Variants in SP4 observed in about 807,000 individuals in gnomAD.
The protein encoded by SP4 is Sp4 transcription factor, also known as transcription factor Sp4.
SP4 carries 19 observed loss-of-function variants against 72.8 expected under a neutral mutation model. The ratio of observed to expected loss-of-function variants is 0.26; its 90% CI spans 0.18 to 0.38. SP4 has a LOEUF of 0.38. Among genes scored for constraint, SP4 ranks in the 10% least tolerant of loss-of-function variants. The pLI, the probability that SP4 is intolerant of heterozygous loss-of-function variation, is 1.00. For synonymous variants in SP4, 395 were observed against 333.1 expected (o/e 1.19, Z -2.02); for missense variants, 1,008 against 926.3 (o/e 1.09, Z -1.14).
rs1022998534 is a variant in SP4, at chr7:21,435,590, T to G, written c.1678+4747T>G. On this transcript the variant is annotated intron_variant, in intron 3 of 5. Coordinates refer to ENST00000222584, the MANE Select transcript of SP4 (RefSeq NM_003112.5). Reference sequence around the variant, plus strand: ...TGGATTTCCCTAATGGGCATCTGTATATATACATACTCATGTACTCCTGTG... The same window carrying G: ...TGGATTTCCCTAATGGGCATCTGTAGATATACATACTCATGTACTCCTGTG... Among the ~76,000 whole-genome samples the G allele has an allele frequency of 3.9e-5, 6 of 152,340 alleles. No individual in the cohort carries two copies. In the East Asian group the frequency reaches 1.2e-3, roughly 29 times the overall value.
intron 3 of SP4, among the ~76,000 whole-genome samples, chr7:21,441,759 T>C (rs931374078): frequency 6.6e-6 from 1 of 151,960 alleles, no homozygotes; most frequent in Admixed American, 6.6e-5. Context: ...GTTGAACTTT[T>C]CTAGGACCTA....
chr7:21,473,169 G>A (rs766338564), intron 3 of SP4, among the ~76,000 whole-genome samples: 4 of 152,198 alleles, frequency 2.6e-5, no homozygotes, highest in Non-Finnish European at 4.4e-5. Context: ...GATTGAACAA[G>A]GGCTTGGATC....
intron 3 of SP4, among the ~76,000 whole-genome samples, chr7:21,476,876 C>G (rs541899795): frequency 6.6e-6 from 1 of 152,220 alleles, no homozygotes; most frequent in African/African-American, 2.4e-5. Flanking sequence ...GTTCCGTTAT[C>G]TAGATACATA....
chr7:21,498,966 G>A (rs1283603104), intron 5 of SP4, among the ~76,000 whole-genome samples: 2 of 151,420 alleles, frequency 1.3e-5, no homozygotes, highest in Non-Finnish European at 2.9e-5. Flanking sequence ...TGTAGTCCCA[G>A]CTATTCGGGA....
At chr7:21,428,892 CCA>C (rs757313550) in intron 2 of SP4, 100 bp downstream of exon 2, 2 of 916,378 alleles carry the variant, frequency 2.2e-6, no homozygotes, top group South Asian at 3.6e-5. Flanking sequence ...AAATGTTTAT[CCA>C]CTCAAAGCAT....
At chr7:21,479,037 C>CAGCCT (rs1048892034) in intron 4 of SP4, among the ~76,000 whole-genome samples, 3 of 149,598 alleles carry the variant, frequency 2.0e-5, no homozygotes, top group African/African-American at 7.4e-5. Flanking sequence ...CACTGCACTC[C>CAGCCT]AGCCTGGGTG....
At chr7:21,493,687 T>C (rs1011677167) in intron 5 of SP4, among the ~76,000 whole-genome samples, 11 of 138,886 alleles carry the variant, frequency 7.9e-5, no homozygotes, top group African/African-American at 3.1e-4. Flanking sequence ...GTTAAAGAAA[T>C]TGGATTTGTA....
At chr7:21,478,020 A>G (rs1221070985) in intron 4 of SP4, among the ~76,000 whole-genome samples, 5 of 152,202 alleles carry the variant, frequency 3.3e-5, no homozygotes, top group Non-Finnish European at 7.4e-5. Context: ...TAAATTCTGT[A>G]TCTTTTTTAA....
At chr7:21,457,676 A>C (rs960721828) in intron 3 of SP4, among the ~76,000 whole-genome samples, 20 of 152,198 alleles carry the variant, frequency 1.3e-4, no homozygotes, top group Non-Finnish European at 2.9e-5. Flanking sequence ...CAAAGAAACC[A>C]ACAACATAGC....
At chr7:21,469,351 G>A (rs1471450877) in intron 3 of SP4, among the ~76,000 whole-genome samples, 4 of 145,408 alleles carry the variant, frequency 2.8e-5, no homozygotes, top group Admixed American at 2.1e-4. Context: ...TAATCTATGG[G>A]TAATTACTTT....
Position 21,430,153 on chromosome 7 carries a change from A to G in SP4, c.988A>G (p.Thr330Ala), listed in dbSNP as rs1410570458. 6.2e-6 allele frequency: 10 copies of G among 1,614,034 alleles called. No homozygotes were observed. The highest frequency in any genetic ancestry group is 5.3e-5 in the African/African-American group (4 of 74,914). ...CACTACCTGCACAACCACTGCTTCA[A>G]CGTCTTTGACAAGCAGTGACACATT... The part of the protein sequence containing the change: ...SSTTCTTTAS[T>A]SLTSSDTLVS... Residue 330 changes from threonine to alanine, a missense_variant, in exon 3 of 6, where the codon ACG becomes GCG. Transcript: ENST00000222584.
chr7:21,481,321 T>C (rs1005319246), intron 4 of SP4, among the ~76,000 whole-genome samples: 1 of 152,186 alleles, frequency 6.6e-6, no homozygotes, highest in Non-Finnish European at 1.5e-5. Flanking sequence ...CAGTCTCTAA[T>C]GTTCCTGTGT....
intron 3 of SP4, among the ~76,000 whole-genome samples, chr7:21,451,384 T>TG (rs781374443): frequency 1.3e-4 from 20 of 152,134 alleles, no homozygotes; most frequent in Non-Finnish European, 2.8e-4. Flanking sequence ...TATTCTTGGT[T>TG]GCGGGGTTAG....
chr7:21,438,109 G>C (rs1044289304), intron 3 of SP4, among the ~76,000 whole-genome samples: 1 of 152,008 alleles, frequency 6.6e-6, no homozygotes, highest in Non-Finnish European at 1.5e-5. Context: ...CAGTGGAATG[G>C]TTTGTTTCAT....
At chr7:21,436,564 A>G (rs1192240953) in intron 3 of SP4, among the ~76,000 whole-genome samples, 1 of 152,178 alleles carries the variant, frequency 6.6e-6, no homozygotes, top group Non-Finnish European at 1.5e-5. Context: ...CTGCTACATT[A>G]AGTCAATCCT....
At chr7:21,508,643 G>GTT (rs1782069255) in intron 5 of SP4, among the ~76,000 whole-genome samples, 2 of 151,948 alleles carry the variant, frequency 1.3e-5, no homozygotes, top group South Asian at 4.2e-4. Flanking sequence ...CAGTTTGTTT[G>GTT]TTTTTTTAAG....
chr7:21,471,801 T>A (rs183729160), intron 3 of SP4, among the ~76,000 whole-genome samples: 380 of 152,342 alleles, frequency 2.5e-3, no homozygotes, highest in Middle Eastern at 6.8e-3. Context: ...GCCGCTGTAC[T>A]CTAGCCTGGG....
chr7:21,437,405 A>G (rs760647448), intron 3 of SP4, among the ~76,000 whole-genome samples: 1 of 152,214 alleles, frequency 6.6e-6, no homozygotes, highest in Admixed American at 6.5e-5. Flanking sequence ...GAAGGCTCAT[A>G]GCTGGTTGCA....
Position 21,511,362 on chromosome 7 carries a change from G to A in SP4, c.*93G>A, listed in dbSNP as rs2128418126. ...GCTGGTCAAGTGGATTACAGAGTAGGAAATTATGTTTTCATTCTTGGCTTC... is the reference window on the plus strand; with the variant it reads ...GCTGGTCAAGTGGATTACAGAGTAGAAAATTATGTTTTCATTCTTGGCTTC... On this transcript the variant is annotated 3_prime_UTR_variant, in exon 6 of 6. Transcript: ENST00000222584. 2.4e-6 allele frequency: 3 copies of A among 1,268,076 alleles called. No individual in the cohort carries two copies. Among genetic ancestry groups the A allele is most frequent in the South Asian group, 2.9e-5 (2 of 69,002 alleles). The allele number at this position is 1,268,076 out of a possible 1,614,324, so 78.6% of individuals were successfully genotyped here. A position where few individuals can be genotyped will look rare whatever the true frequency, so the allele number is the denominator to read the frequency against.
Sources: gnomAD v4.1 joint callset for allele counts (sites outside exome capture counted in the v4.1 genomes callset) on GRCh38, gnomAD v4.1.1 for gene constraint, MANE v1.5 for transcripts, NCBI Gene and HGNC (gene_info 2026-07-23, HGNC 2026-07-21) for gene names.